The following UBTD2 variants were observed in gnomAD, a reference collection of about 807,000 sequenced individuals.
UBTD2 encodes ubiquitin domain containing 2, also known as ubiquitin domain-containing protein 2.
A neutral mutation model predicts 19.8 loss-of-function variants in UBTD2; 9 were observed. The ratio of observed to expected loss-of-function variants is 0.46; its 90% CI spans 0.27 to 0.79. The LOEUF (loss-of-function observed/expected upper bound fraction) is 0.79. Ranked by LOEUF, UBTD2 falls within the 30% of genes least tolerant of loss-of-function variation. The probability of loss-of-function intolerance (pLI) is 0.14; values close to 1 mark genes in which losing one functional copy is unlikely to be tolerated. For missense variants in UBTD2, 250 were observed against 300.4 expected (o/e 0.83, Z 1.24); for synonymous variants, 98 against 103.9 (o/e 0.94, Z 0.35).
chr5:172,279,648 G>A (rs531568464), intron 1 of UBTD2, among the ~76,000 whole-genome samples: 1 of 152,282 alleles, frequency 6.6e-6, no homozygotes, highest in East Asian at 1.9e-4. Context: ...TCATTAAAGA[G>A]GTGAAGAAAG....
chr5:172,275,165 T>C (rs28587090), intron 1 of UBTD2, among the ~76,000 whole-genome samples: 44,630 of 152,086 alleles, frequency 0.29, 6,720 homozygotes, highest in South Asian at 0.42. Flanking sequence ...AACACGTCCT[T>C]GTTCACATGG....
chr5:172,218,410 G>C (rs1771586618), intron 2 of UBTD2, among the ~76,000 whole-genome samples: 1 of 151,704 alleles, frequency 6.6e-6, no homozygotes, highest in East Asian at 1.9e-4. Flanking sequence ...ACTAAAAAAA[G>C]AAAACCAATT....
At chr5:172,262,446 CAAAAAAA>C (rs1191776236) in intron 1 of UBTD2, among the ~76,000 whole-genome samples, 51 of 48,896 alleles carry the variant, frequency 1.0e-3, no homozygotes, top group African/African-American at 1.4e-3. Context: ...ACAGATCCAC[CAAAAAAA>C]AAAAAAAAAA....
At chr5:172,247,060 T>A (rs1561858728) in intron 1 of UBTD2, among the ~76,000 whole-genome samples, 1 of 151,956 alleles carries the variant, frequency 6.6e-6, no homozygotes, top group Non-Finnish European at 1.5e-5. Flanking sequence ...GGCCCAAGAT[T>A]GCAGTTTTAA....
chr5:172,268,652 G>A (rs4868154), intron 1 of UBTD2, among the ~76,000 whole-genome samples: 25,620 of 152,088 alleles, frequency 0.17, 2,536 homozygotes, highest in African/African-American at 0.28. Context: ...AGGAGGCTGA[G>A]GCAGAAGAAT....
chr5:172,262,202 C>T (rs1044303016), intron 1 of UBTD2, among the ~76,000 whole-genome samples: 1 of 151,984 alleles, frequency 6.6e-6, no homozygotes, highest in Non-Finnish European at 1.5e-5. Context: ...ATAATCCCAG[C>T]ACTTTGGGAG....
chr5:172,215,694 G>C (rs1771527332), intron 2 of UBTD2, among the ~76,000 whole-genome samples: 1 of 152,164 alleles, frequency 6.6e-6, no homozygotes, highest in Non-Finnish European at 1.5e-5. Flanking sequence ...GGATGAAGCA[G>C]ACAGCATGTA....
At chr5:172,270,093 A>T (rs1339636855) in intron 1 of UBTD2, among the ~76,000 whole-genome samples, 1 of 150,446 alleles carries the variant, frequency 6.6e-6, no homozygotes, top group African/African-American at 2.4e-5. Context: ...AAAACAAAAA[A>T]ACAAGAGTCA....
At chr5:172,282,402 C>T (rs927576314) in intron 1 of UBTD2, among the ~76,000 whole-genome samples, 1 of 152,080 alleles carries the variant, frequency 6.6e-6, no homozygotes, top group African/African-American at 2.4e-5. Flanking sequence ...TACAGGATAC[C>T]CACAGATTTT....
chr5:172,214,208 C>A (rs972045984), intron 2 of UBTD2, among the ~76,000 whole-genome samples: 4 of 152,178 alleles, frequency 2.6e-5, no homozygotes, highest in Non-Finnish European at 5.9e-5. Context: ...ATCCAGAGCA[C>A]TGAAAAATGG....
chr5:172,246,117 T>C (rs888684585), intron 1 of UBTD2, among the ~76,000 whole-genome samples: 1 of 152,202 alleles, frequency 6.6e-6, no homozygotes, highest in Non-Finnish European at 1.5e-5. Context: ...ATTATAACCA[T>C]GTTCCATGGT....
chr5:172,259,376 C>T (rs1362155872), intron 1 of UBTD2, among the ~76,000 whole-genome samples: 1 of 151,930 alleles, frequency 6.6e-6, no homozygotes, highest in Non-Finnish European at 1.5e-5. Flanking sequence ...CTCCTGACCT[C>T]ATGATCTGCC....
chr5:172,227,307 G>T (rs1288697693), intron 2 of UBTD2, among the ~76,000 whole-genome samples: 1 of 152,118 alleles, frequency 6.6e-6, no homozygotes, highest in Non-Finnish European at 1.5e-5. Flanking sequence ...AGATAAACTG[G>T]AATACATTTA....
In UBTD2 at chr5:172,211,716, C is replaced by A; in HGVS notation, c.*114G>T. The A allele has an allele frequency of 8.5e-7, 1 of 1,170,828 alleles. No individual in the cohort carries two copies. The highest frequency in any genetic ancestry group is 1.1e-6 in the Non-Finnish European group (1 of 871,570). 72.5% of individuals were successfully genotyped at this position (1,170,828 alleles called of 1,614,324 possible). A position where few individuals can be genotyped will look rare whatever the true frequency, so the allele number is the denominator to read the frequency against. ...ACTGGTAATTCCTCAGAACTAAATCCATTCATAGGGAATTTAGAGCAGTGA... is the reference window on the plus strand; with the variant it reads ...ACTGGTAATTCCTCAGAACTAAATCAATTCATAGGGAATTTAGAGCAGTGA... On this transcript the variant is annotated 3_prime_UTR_variant, in exon 3 of 3. Coordinates refer to ENST00000393792, the MANE Select transcript of UBTD2 (RefSeq NM_152277.3).
rs529439632 is a variant in UBTD2, at chr5:172,252,634, G to A, written c.71-18276C>T. 2.6e-5 allele frequency among the ~76,000 whole-genome samples: 4 copies of A among 152,230 alleles called. No homozygotes were observed. The East Asian group carries it at 7.7e-4, about 29-fold the overall frequency. On this transcript the variant is annotated intron_variant, in intron 1 of 2. Coordinates refer to ENST00000393792, the MANE Select transcript of UBTD2 (RefSeq NM_152277.3). ...GGAGTACAAAGGACTCTTTCTTCAA[G>A]GTGGTCTCCCTCTTCTATCTGAAGT...
chr5:172,254,927 CTCA>C, intron 1 of UBTD2: 2 of 509,528 alleles, frequency 3.9e-6, no homozygotes, highest in Non-Finnish European at 7.5e-6. Context: ...CCTCCTCCTC[CTCA>C]AGGAGACCAT....
intron 1 of UBTD2, among the ~76,000 whole-genome samples, chr5:172,268,662 T>C (rs368775091): frequency 8.5e-5 from 13 of 152,112 alleles, no homozygotes; most frequent in African/African-American, 2.4e-4. Flanking sequence ...GGCAGAAGAA[T>C]TGCTTGAACC....
intron 1 of UBTD2, among the ~76,000 whole-genome samples, chr5:172,250,592 TG>T (rs1274897371): frequency 6.6e-6 from 1 of 152,116 alleles, no homozygotes; most frequent in East Asian, 1.9e-4. Flanking sequence ...AACTAAACAA[TG>T]CATGATCCTG....
At chr5:172,224,626 C>T (rs529310113) in intron 2 of UBTD2, among the ~76,000 whole-genome samples, 1 of 152,258 alleles carries the variant, frequency 6.6e-6, no homozygotes, top group African/African-American at 2.4e-5. Flanking sequence ...TCTTCCCGCT[C>T]TGCTCCTCAC....
Sources: gnomAD v4.1 joint callset for allele counts (sites outside exome capture counted in the v4.1 genomes callset) on GRCh38, gnomAD v4.1.1 for gene constraint, MANE v1.5 for transcripts, NCBI Gene and HGNC (gene_info 2026-07-23, HGNC 2026-07-21) for gene names.